The following LLGL1 variants were observed in gnomAD, a reference collection of about 807,000 sequenced individuals.
LLGL1 encodes the protein LLGL scribble cell polarity complex component 1.
LLGL1 carries 58 observed loss-of-function variants against 110.6 expected under a neutral mutation model. The ratio of observed to expected loss-of-function variants is 0.52; its 90% CI spans 0.42 to 0.65. The LOEUF is 0.65. Among genes scored for constraint, LLGL1 ranks in the 30% least tolerant of loss-of-function variants. The pLI is 0.00. For synonymous variants in LLGL1, 674 were observed against 607.2 expected (o/e 1.11, Z -1.62); for missense variants, 1,229 against 1,462.1 (o/e 0.84, Z 2.60).
At position 18,234,998 on chromosome 17, in the gene LLGL1, G is replaced by A. The variant is rs776931585; in HGVS notation, c.1060+5G>A. ...ACAGCACACGGCCCGAGGATGGTGC[G>A]TGCCCTGCCGTACCCTACCCTTTCC... On this transcript the variant is annotated splice_donor_5th_base_variant and intron_variant, in intron 9 of 22. Coordinates refer to ENST00000316843, the MANE Select transcript of LLGL1 (RefSeq NM_004140.4). The A allele has an allele frequency of 9.9e-6, 16 of 1,613,600 alleles. No homozygotes were observed. The highest frequency in any genetic ancestry group is 4.0e-5 in the African/African-American group (3 of 74,906).
rs1277775554 is a variant in LLGL1 at position 18,233,863 on chromosome 17, GTCT to G, written c.484_486del (p.Phe162del). 1 of 1,613,852 alleles carries G rather than the reference GTCT, an allele frequency of 6.2e-7. No homozygotes were observed. The highest frequency in any genetic ancestry group is 1.3e-5 in the African/African-American group (1 of 75,058). On this transcript the variant is annotated inframe_deletion, in exon 5 of 23. Coordinates refer to ENST00000316843, the MANE Select transcript of LLGL1 (RefSeq NM_004140.4). ...AGCCCTGGGCACTGAGGGCAGCAGT[GTCT>G]TCTTCCTGGATGTTACCACCCTGAC...
At position 18,242,740 on chromosome 17, in the gene LLGL1, C is replaced by T; in HGVS notation, c.3117-3C>T. 1 of 1,566,974 alleles carries T rather than the reference C, an allele frequency of 6.4e-7. No homozygotes were observed. The highest frequency in any genetic ancestry group is 1.3e-5 in the African/African-American group (1 of 74,128). Reference sequence around the variant, plus strand: ...ACCCCTGAGCACCATCCCCATCTCGCAGCTCCTCTGAGGAGTCAGAGAAGA... The same window carrying T: ...ACCCCTGAGCACCATCCCCATCTCGTAGCTCCTCTGAGGAGTCAGAGAAGA... On this transcript the variant is annotated splice_region_variant and splice_polypyrimidine_tract_variant and intron_variant, in intron 21 of 22. Transcript: ENST00000316843.
rs2047936009 is a variant in LLGL1 at position 18,244,494 on chromosome 17, C to T, written c.*588C>T. 1 of 152,134 alleles carries T rather than the reference C, an allele frequency of 6.6e-6. No individual in the cohort carries two copies. Among genetic ancestry groups the T allele is most frequent in the Non-Finnish European group, 1.5e-5 (1 of 68,056 alleles). The allele number at this position is 152,134 out of a possible 1,614,324, so 9.4% of individuals were successfully genotyped here. A position where few individuals can be genotyped will look rare whatever the true frequency, so the allele number is the denominator to read the frequency against. On this transcript the variant is annotated 3_prime_UTR_variant, in exon 23 of 23. Coordinates refer to ENST00000316843, the MANE Select transcript of LLGL1 (RefSeq NM_004140.4). ...TCCTGACCTCGTGATCCACCCACCT[C>T]AGCCTCCCAAAGTGCTGGGATTACA...
intron 11 of LLGL1, chr17:18,235,803 A>G (rs1050280486): frequency 1.4e-5 from 7 of 502,060 alleles, no homozygotes; most frequent in African/African-American, 1.4e-4. Flanking sequence ...GGGACTGGAA[A>G]ATCTGGGCTG....
rs2047667431 is a variant in LLGL1 at position 18,235,291 on chromosome 17, C to T, written c.1263C>T (p.Pro421=). 2 of 1,610,556 alleles carry T rather than the reference C, an allele frequency of 1.2e-6. No homozygotes were observed. Among genetic ancestry groups the T allele is most frequent in the Non-Finnish European group, 1.7e-6 (2 of 1,179,976 alleles). Residue 421 remains proline (P), a synonymous_variant, in exon 10 of 23, where the codon CCC becomes CCT. Coordinates refer to ENST00000316843, the MANE Select transcript of LLGL1 (RefSeq NM_004140.4). ...RIVSAGEQQS[P]QPVSSALSWP... is the part of the protein sequence containing the mutation. ...TGAGCGCTGGCGAGCAGCAGAGCCC[C>T]CAGCCTGTCTCCAGTGCCTTGGTGT...
At position 18,238,634 on chromosome 17, in the gene LLGL1, C is replaced by T. The variant is rs72831935; in HGVS notation, c.2206+25C>T. The stretch of plus-strand genomic sequence containing the variant: ...GGTAAGGCAGGGGCAGGGGCAGGGA[C>T]AGGGCAAGGGTTGGGGGGGCTGGCC... On this transcript the variant is annotated intron_variant, in intron 16 of 22. Transcript: ENST00000316843. 1.7e-3 allele frequency: 2,736 copies of T among 1,599,922 alleles called. 5 individuals are homozygous for T. Among genetic ancestry groups the T allele is most frequent in the Non-Finnish European group, 2.2e-3 (2,583 of 1,173,964 alleles).
chr17:18,244,798 T>C lies in LLGL1; in HGVS notation c.*892T>C. On this transcript the variant is annotated 3_prime_UTR_variant, in exon 23 of 23. Transcript: ENST00000316843. ...ACCTTGGGGTTTTTTTCTGTCGTTT[T>C]GTTAAAATTAGCGCCATTTTAATAT... 1 of 319,426 alleles carries C rather than the reference T, an allele frequency of 3.1e-6. No homozygotes were observed. Among genetic ancestry groups the C allele is most frequent in the East Asian group, 4.7e-5 (1 of 21,318 alleles). The allele number at this position is 319,426 out of a possible 1,614,324, so 19.8% of individuals were successfully genotyped here. A position where few individuals can be genotyped will look rare whatever the true frequency, so the allele number is the denominator to read the frequency against.
chr17:18,227,229 G>C (rs574699535), intron 1 of LLGL1, among the ~76,000 whole-genome samples: 171 of 152,260 alleles, frequency 1.1e-3, no homozygotes, highest in African/African-American at 4.0e-3. Context: ...ACCCTCACAC[G>C]GTGGCTGAGA....
Position 18,241,673 on chromosome 17 carries a change from A to G in LLGL1, c.2725A>G (p.Ile909Val), listed in dbSNP as rs767085574. 8.7e-6 allele frequency: 14 copies of G among 1,613,528 alleles called. No individual in the cohort carries two copies. In the African/African-American group the frequency reaches 1.6e-4, roughly 18 times the overall value. ...CTATTCCTGCATCCGGAAGGAGGAC[A>G]TCAGCGGCATCGCTTCGTGCGTCTT... ...VHYSCIRKED[I>V]SGIASCVFTR... is the part of the protein sequence containing the mutation. The change falls in exon 18 of 23, where the codon ATC becomes GTC. Residue 909 changes from isoleucine (I) to valine (V), a missense_variant. Physicochemically the swap from Ile to Val is conservative, Grantham distance 29. Transcript: ENST00000316843.
Position 18,236,768 on chromosome 17 carries a change from C to T in LLGL1, c.1506+8C>T, listed in dbSNP as rs1382580416. 1.2e-6 allele frequency: 2 copies of T among 1,612,626 alleles called. No homozygotes were observed. The highest frequency in any genetic ancestry group is 2.2e-5 in the South Asian group (2 of 91,030). The stretch of plus-strand genomic sequence containing the variant: ...TGGCCACCCTTCCGCAAGGTGGGCC[C>T]CTCCCCTGGCCCTGATGAGCTGGTC... On this transcript the variant is annotated splice_region_variant and intron_variant, in intron 12 of 22. Coordinates refer to ENST00000316843, the MANE Select transcript of LLGL1 (RefSeq NM_004140.4).
chr17:18,237,519 G>C lies in LLGL1; in HGVS notation c.1650G>C (p.Gln550His). The C allele has an allele frequency of 1.3e-6, 2 of 1,599,012 alleles. No homozygotes were observed. The highest frequency in any genetic ancestry group is 1.7e-6 in the Non-Finnish European group (2 of 1,170,532). The change falls in exon 14 of 23, where the codon CAG becomes CAC. Residue 550 changes from glutamine to histidine, a missense_variant. Physicochemically the swap from Gln to His is conservative, Grantham distance 24. Transcript: ENST00000316843. ...AGCTTAGTGATGTGCCGGTGGAGCA[G>C]GCGGTCAGCGTGGCCATCATAGACC... is the stretch of plus-strand genomic sequence containing the variant. ...VLELSDVPVEQAVSVAIIDLL... is the reference protein window; with the variant it reads ...VLELSDVPVEHAVSVAIIDLL...
rs1356054856 is a variant in LLGL1 at position 18,241,471 on chromosome 17, G to A, written c.2523G>A (p.Val841=). 1.2e-6 allele frequency: 2 copies of A among 1,613,270 alleles called. No homozygotes were observed. Among genetic ancestry groups the A allele is most frequent in the Non-Finnish European group, 1.7e-6 (2 of 1,179,900 alleles). Residue 841 remains valine, a synonymous_variant, in exon 18 of 23, where the codon GTG becomes GTA. Coordinates refer to ENST00000316843, the MANE Select transcript of LLGL1 (RefSeq NM_004140.4). The part of the protein sequence containing the change: ...EQFKVFTLPK[V]SAKTKFKLTA... ...GTCAGGTGTTCACACTGCCCAAGGTGAGCGCGAAGACCAAGTTCAAGCTGA... is the reference window on the plus strand; with the variant it reads ...GTCAGGTGTTCACACTGCCCAAGGTAAGCGCGAAGACCAAGTTCAAGCTGA...
rs548640506 is a variant in LLGL1, at chr17:18,242,514, C to T, written c.3002C>T (p.Pro1001Leu). The change falls in exon 21 of 23, where the codon CCG becomes CTG. Residue 1001 changes from proline to leucine, a missense_variant. Pro to Leu is a moderately conservative substitution (Grantham distance 98, BLOSUM62 -3). Transcript: ENST00000316843. ...DPAHSMGPDTPEPPEAALSPM... is the reference protein window; with the variant it reads ...DPAHSMGPDTLEPPEAALSPM... ...GATGACTTGCTCCCTGTAGACACCC[C>T]GGAGCCACCCGAGGCTGCACTCTCA... 7.2e-5 allele frequency: 117 copies of T among 1,614,014 alleles called. 1 individual carries two copies. Among genetic ancestry groups the T allele is most frequent in the South Asian group, 5.5e-4 (50 of 91,070 alleles).
At chr17:18,233,743 T>A (rs368769396) in intron 4 of LLGL1, 35 bp from the exon 5 acceptor site, 1 of 1,592,088 alleles carries the variant, frequency 6.3e-7, no homozygotes, top group African/African-American at 1.3e-5. Flanking sequence ...GTGGATGGGC[T>A]TGTACCCTCA....
At position 18,240,183 on chromosome 17, in the gene LLGL1, C is replaced by G. The variant is rs1037317958; in HGVS notation, c.2207-395C>G. Among the ~76,000 whole-genome samples, 1 of 151,870 alleles carries G rather than the reference C, an allele frequency of 6.6e-6. No homozygotes were observed. Among genetic ancestry groups the G allele is most frequent in the Non-Finnish European group, 1.5e-5 (1 of 67,956 alleles). On this transcript the variant is annotated intron_variant, in intron 16 of 22. Coordinates refer to ENST00000316843, the MANE Select transcript of LLGL1 (RefSeq NM_004140.4). This position sits in a 1 kb window ranked among gnomAD's most constrained non-coding sequence, Gnocchi z 5.3. ...GGGACGCAGGGGTGGAGAGAGGAGT[C>G]GGGGTCTTGTGGGGCTTGGGGCCTG...
rs547082315 is a variant in LLGL1 at position 18,244,392 on chromosome 17, C to G, written c.*486C>G. The G allele has an allele frequency of 6.6e-6, 1 of 152,274 alleles. No homozygotes were observed. Among genetic ancestry groups the G allele is most frequent in the African/African-American group, 2.4e-5 (1 of 41,536 alleles). 9.4% of individuals were successfully genotyped at this position (152,274 alleles called of 1,614,324 possible). A position where few individuals can be genotyped will look rare whatever the true frequency, so the allele number is the denominator to read the frequency against. On this transcript the variant is annotated 3_prime_UTR_variant, in exon 23 of 23. Transcript: ENST00000316843. ...AAGTAGCTGGGACTACAGGCGCCCA[C>G]CACCACGCCCAGCTAATTTTTTCTG...
At chr17:18,236,501 T>C (rs1182908781) in intron 11 of LLGL1, 106 bp from the exon 12 acceptor site, 1 of 1,127,026 alleles carries the variant, frequency 8.9e-7, no homozygotes, top group Non-Finnish European at 1.3e-6. Flanking sequence ...GGTCAGTGTT[T>C]GGCACGTGCA....
rs2047957469 is a variant in LLGL1 at position 18,244,736 on chromosome 17, A to AGGGGGGGTGGG, written c.*837_*838insTGGGGGGGGGG. 9.8e-5 allele frequency: 1 copy of AGGGGGGGTGGG among 10,212 alleles called. No homozygotes were observed. The highest frequency in any genetic ancestry group is 1.9e-4 in the Non-Finnish European group (1 of 5,172). 0.6% of individuals were successfully genotyped at this position (10,212 alleles called of 1,614,324 possible). A position where few individuals can be genotyped will look rare whatever the true frequency, so the allele number is the denominator to read the frequency against. Reference sequence around the variant, plus strand: ...TGTGTGTCCGGCGGGGGGGGGGGGCAGGGGGGGGGGTCAAGATGAGTTTCC... The same window carrying AGGGGGGGTGGG: ...TGTGTGTCCGGCGGGGGGGGGGGGCAGGGGGGGTGGGGGGGGGGGGGTCAAGATGAGTTTCC... On this transcript the variant is annotated 3_prime_UTR_variant, in exon 23 of 23. Coordinates refer to ENST00000316843, the MANE Select transcript of LLGL1 (RefSeq NM_004140.4).
chr17:18,234,904 G>C lies in LLGL1; in HGVS notation c.971G>C (p.Ser324Thr). 2 of 1,614,078 alleles carry C rather than the reference G, an allele frequency of 1.2e-6. No homozygotes were observed. Among genetic ancestry groups the C allele is most frequent in the Non-Finnish European group, 1.7e-6 (2 of 1,179,992 alleles). ...RASYGDRHCVSVLRAETLVTL... is the reference protein window; with the variant it reads ...RASYGDRHCVTVLRAETLVTL... ...AGCTATGGTGACCGCCACTGTGTAA[G>C]TGTGCTTCGAGCCGAGACATTGGTG... is the stretch of plus-strand genomic sequence containing the variant. Residue 324 changes from serine (S) to threonine (T), a missense_variant, in exon 9 of 23, where the codon AGT becomes ACT. Coordinates refer to ENST00000316843, the MANE Select transcript of LLGL1 (RefSeq NM_004140.4).
Sources: allele counts gnomAD v4.1 joint callset (sites outside exome capture counted in the v4.1 genomes callset), GRCh38; gene constraint gnomAD v4.1.1; non-coding constraint Gnocchi (gnomAD v3.1); transcripts MANE v1.5; gene names NCBI Gene and HGNC (gene_info 2026-07-23, HGNC 2026-07-21).